Variants in CADM1 observed in about 807,000 individuals in gnomAD.
CADM1 encodes the protein cell adhesion molecule 1.
A neutral mutation model predicts 53.1 loss-of-function variants in CADM1; 15 were observed. That is an observed-to-expected ratio of 0.28 (90% CI 0.19 to 0.44). The LOEUF is 0.44. Among genes scored for constraint, CADM1 ranks in the 20% least tolerant of loss-of-function variants. The pLI, the probability that CADM1 is intolerant of heterozygous loss-of-function variation, is 1.00. For missense variants in CADM1, 434 were observed against 611.3 expected (o/e 0.71, Z 3.06); for synonymous variants, 281 against 243.0 (o/e 1.16, Z -1.45).
At chr11:115,284,539 T>G (rs11215463) in intron 1 of CADM1, among the ~76,000 whole-genome samples, 1 of 150,258 alleles carries the variant, frequency 6.7e-6, no homozygotes, top group Non-Finnish European at 1.5e-5. Flanking sequence ...AGGAAAAACG[T>G]AAGAGGAAGA....
chr11:115,215,517 G>A (rs907599294), intron 6 of CADM1, among the ~76,000 whole-genome samples: 2 of 152,146 alleles, frequency 1.3e-5, no homozygotes, highest in East Asian at 1.9e-4. Flanking sequence ...CCCCAAGCTC[G>A]TGGGTAGGGC....
At chr11:115,378,872 G>C (rs1946505637) in intron 1 of CADM1, among the ~76,000 whole-genome samples, 1 of 152,162 alleles carries the variant, frequency 6.6e-6, no homozygotes, top group Non-Finnish European at 1.5e-5. Context: ...GCCCTCTACA[G>C]AAAAAGTTTG....
chr11:115,490,603 T>C (rs1949473823), intron 1 of CADM1, among the ~76,000 whole-genome samples: 1 of 152,086 alleles, frequency 6.6e-6, no homozygotes, highest in South Asian at 2.1e-4. Context: ...TTTCACCATA[T>C]TGGCCAGGCC....
At chr11:115,234,098 G>A (rs1941925604) in intron 3 of CADM1, among the ~76,000 whole-genome samples, 1 of 152,206 alleles carries the variant, frequency 6.6e-6, no homozygotes, top group Non-Finnish European at 1.5e-5. Flanking sequence ...TCAGATGGTT[G>A]TTTCCTGTGT....
intron 1 of CADM1, among the ~76,000 whole-genome samples, chr11:115,428,519 C>T (rs1425631236): frequency 6.6e-6 from 1 of 152,044 alleles, no homozygotes; most frequent in Admixed American, 6.5e-5. Flanking sequence ...ATTTGTTGCT[C>T]ATGAACCCCC....
At chr11:115,389,738 T>C (rs1408505053) in intron 1 of CADM1, among the ~76,000 whole-genome samples, 1 of 152,062 alleles carries the variant, frequency 6.6e-6, no homozygotes, top group Non-Finnish European at 1.5e-5. Flanking sequence ...ATTGGTCATC[T>C]GTTCCTAGGA....
chr11:115,384,402 T>C (rs1350575924), intron 1 of CADM1, among the ~76,000 whole-genome samples: 1 of 152,160 alleles, frequency 6.6e-6, no homozygotes, highest in African/African-American at 2.4e-5. Context: ...GGCAAATCCA[T>C]TGAGAGTCAC....
intron 4 of CADM1, among the ~76,000 whole-genome samples, chr11:115,230,660 G>C (rs781014399): frequency 6.6e-6 from 1 of 152,214 alleles, no homozygotes; most frequent in South Asian, 2.1e-4. Context: ...GGATGGCCCA[G>C]TACAGAGGTA....
intron 1 of CADM1, among the ~76,000 whole-genome samples, chr11:115,254,431 C>T (rs1240080203): frequency 6.6e-6 from 1 of 151,816 alleles, no homozygotes; most frequent in African/African-American, 2.4e-5. Context: ...CAATACTTTT[C>T]GATATCTCGG....
intron 1 of CADM1, among the ~76,000 whole-genome samples, chr11:115,492,292 TG>T (rs1343223478): frequency 6.6e-6 from 1 of 151,968 alleles, no homozygotes; most frequent in Non-Finnish European, 1.5e-5. Flanking sequence ...AAGGAAAAAT[TG>T]AAAGGATATA....
intron 1 of CADM1, among the ~76,000 whole-genome samples, chr11:115,315,947 TG>T (rs1332064820): frequency 2.0e-5 from 3 of 152,186 alleles, no homozygotes; most frequent in African/African-American, 7.2e-5. Flanking sequence ...GTTTTCTGCA[TG>T]CTTCTCTCCT....
intron 6 of CADM1, 70 bp downstream of exon 6, chr11:115,217,822 G>A: frequency 1.1e-6 from 1 of 945,752 alleles, no homozygotes; most frequent in Non-Finnish European, 1.8e-6. Flanking sequence ...AAGGACTGGT[G>A]AATGCACATG....
intron 1 of CADM1, among the ~76,000 whole-genome samples, chr11:115,301,795 A>G (rs1163299508): frequency 6.6e-6 from 1 of 152,096 alleles, no homozygotes; most frequent in Non-Finnish European, 1.5e-5. Flanking sequence ...TAAAAAAGAG[A>G]TAACAGTACA....
chr11:115,340,658 A>ATATATATTTT (rs60532835), intron 1 of CADM1, among the ~76,000 whole-genome samples: 5 of 34,936 alleles, frequency 1.4e-4, no homozygotes, highest in African/African-American at 5.6e-4. Context: ...ATATATATAT[A>ATATATATTTT]TTTTTTTTTT....
At chr11:115,200,846 G>A (rs1159290767) in intron 8 of CADM1, among the ~76,000 whole-genome samples, 3 of 152,148 alleles carry the variant, frequency 2.0e-5, no homozygotes, top group African/African-American at 7.2e-5. Context: ...AGAAGGGCGG[G>A]GGGTGGAGTA....
intron 3 of CADM1, 66 bp from the exon 4 acceptor site, chr11:115,231,556 G>C (rs1941815084): frequency 1.4e-6 from 2 of 1,445,678 alleles, no homozygotes; most frequent in Non-Finnish European, 1.9e-6. Context: ...TATCAAAAAG[G>C]AGAAAAACAG....
intron 1 of CADM1, among the ~76,000 whole-genome samples, chr11:115,289,973 G>C (rs991761436): frequency 5.3e-5 from 8 of 152,206 alleles, no homozygotes; most frequent in African/African-American, 1.7e-4. Context: ...GTGACACACA[G>C]TGTGGGTCTA....
At chr11:115,369,721 T>G (rs900931251) in intron 1 of CADM1, among the ~76,000 whole-genome samples, 2 of 152,098 alleles carry the variant, frequency 1.3e-5, no homozygotes, top group Admixed American at 6.6e-5. Context: ...CACATGAAAT[T>G]TCTCAATTCT....
chr11:115,312,076 C>G (rs1410514375), intron 1 of CADM1, among the ~76,000 whole-genome samples: 1 of 152,096 alleles, frequency 6.6e-6, no homozygotes, highest in African/African-American at 2.4e-5. Context: ...AAGAAGCTCA[C>G]AGTCTGGTAC....
Sources: gnomAD v4.1 joint callset for allele counts (sites outside exome capture counted in the v4.1 genomes callset) on GRCh38, gnomAD v4.1.1 for gene constraint, MANE v1.5 for transcripts, NCBI Gene and HGNC (gene_info 2026-07-23, HGNC 2026-07-21) for gene names.